ATG2B: variants seen among roughly 807,000 people sequenced by gnomAD.
The protein encoded by ATG2B is autophagy-related protein 2 homolog B.
In ATG2B, 121 loss-of-function variants were observed where a neutral mutation model predicts 241.3. The observed-to-expected ratio is 0.50, with a 90% CI of 0.43 to 0.58. The LOEUF (loss-of-function observed/expected upper bound fraction) is 0.58, where lower values mean the gene tolerates loss of function less well. Ranked by LOEUF, ATG2B falls within the 20% of genes least tolerant of loss-of-function variation. The pLI, the probability that ATG2B is intolerant of heterozygous loss-of-function variation, is 0.00. For synonymous variants in ATG2B, 858 were observed against 876.6 expected (o/e 0.98, Z 0.37); for missense variants, 2,306 against 2,491.6 (o/e 0.93, Z 1.59).
In ATG2B at chr14:96,332,301, T is replaced by C; in HGVS notation, c.1468+4A>G. ...CTAACAACAAATGTCTTATTTTTAC[T>C]TACATGTCTTCTGTAAAGGTGTTGG... On this transcript the variant is annotated splice_donor_region_variant and intron_variant, in intron 10 of 41. Coordinates refer to ENST00000359933, the MANE Select transcript of ATG2B (RefSeq NM_018036.7). 1 of 1,604,888 alleles carries C rather than the reference T, an allele frequency of 6.2e-7. No homozygotes were observed. Among genetic ancestry groups the C allele is most frequent in the Non-Finnish European group, 8.5e-7 (1 of 1,172,310 alleles).
At chr14:96,348,764 G>A (rs1888237774) in intron 1 of ATG2B, among the ~76,000 whole-genome samples, 1 of 151,888 alleles carries the variant, frequency 6.6e-6, no homozygotes, top group South Asian at 2.1e-4. Context: ...ATCTAAAAGA[G>A]CACAACTGAA....
intron 14 of ATG2B, among the ~76,000 whole-genome samples, 166 bp from the exon 15 acceptor site, chr14:96,326,088 T>A (rs1233028839): frequency 1.3e-5 from 2 of 152,130 alleles, no homozygotes; most frequent in African/African-American, 2.4e-5. Flanking sequence ...TGTAAAAAAA[T>A]TTTATAATGC....
In ATG2B at chr14:96,322,731, C is replaced by T; in HGVS notation, c.2545G>A (p.Val849Ile). The T allele has an allele frequency of 6.2e-7, 1 of 1,610,356 alleles. No individual in the cohort carries two copies. The highest frequency in any genetic ancestry group is 8.5e-7 in the Non-Finnish European group (1 of 1,178,760). Residue 849 changes from valine (V) to isoleucine (I), a missense_variant, in exon 17 of 42, where the codon GTA (valine) becomes ATA (isoleucine). By Grantham distance (29) the Val-to-Ile change is conservative (BLOSUM62 3). Transcript: ENST00000359933. ...SSDDFDWPRI[V>I]LKINPPAMHS... Reference sequence around the variant, plus strand: ...ATGGCTGGTGGATTTATTTTCAGTACAATTCTGATAGCAAAGACAATTTTA... The same window carrying T: ...ATGGCTGGTGGATTTATTTTCAGTATAATTCTGATAGCAAAGACAATTTTA...
Position 96,341,522 on chromosome 14 carries a change from C to A in ATG2B, c.924G>T (p.Lys308Asn). The A allele has an allele frequency of 1.3e-6, 2 of 1,571,046 alleles. No individual in the cohort carries two copies. The highest frequency in any genetic ancestry group is 1.7e-6 in the Non-Finnish European group (2 of 1,158,628). Residue 308 changes from lysine to asparagine, a missense_variant and splice_region_variant, in exon 6 of 42, where the codon AAG becomes AAT. Around this residue, in one of 2 missense-constraint regions of ATG2B, gnomAD observed 1,927 missense variants for 2,011.2 expected, o/e 0.96. Transcript: ENST00000359933. Reference sequence around the variant, plus strand: ...TACAGAAAGTGAAACAAACACTGACCTTAGCTCCAGGAAGCACTTCATTCT... The same window carrying A: ...TACAGAAAGTGAAACAAACACTGACATTAGCTCCAGGAAGCACTTCATTCT... ...LKQNEVLPGAKLDVDGQIDSI... is the reference protein window; with the variant it reads ...LKQNEVLPGANLDVDGQIDSI...
At position 96,290,132 on chromosome 14, in the gene ATG2B, C is replaced by T. The variant is rs999160366; in HGVS notation, c.5856+304G>A. 31 of 1,243,806 alleles carry T rather than the reference C, an allele frequency of 2.5e-5. No homozygotes were observed. Among genetic ancestry groups the T allele is most frequent in the African/African-American group, 1.1e-4 (7 of 65,634 alleles). 77.0% of individuals were successfully genotyped at this position (1,243,806 alleles called of 1,614,324 possible). On this transcript the variant is annotated intron_variant, in intron 40 of 41. Transcript: ENST00000359933. The surrounding 1 kb of genome is among the most constrained non-coding windows in gnomAD (Gnocchi z 4.4). The stretch of plus-strand genomic sequence containing the variant: ...TTTAATACTTCTGTTTAATCTACAA[C>T]GCCTTCTTCAAATTTAGCTACGATC...
At position 96,286,037 on chromosome 14, in the gene ATG2B, C is replaced by G. The variant is rs755646098; in HGVS notation, c.6007-52G>C. 2.7e-6 allele frequency: 4 copies of G among 1,455,600 alleles called. No homozygotes were observed. In the South Asian group the frequency reaches 3.6e-5, roughly 13 times the overall value. 90.2% of individuals were successfully genotyped at this position (1,455,600 alleles called of 1,614,324 possible). A position where few individuals can be genotyped will look rare whatever the true frequency, so the allele number is the denominator to read the frequency against. ...AGGAGGGCAGTGAACAAACTCTGGT[C>G]GGAAAACTCTCTAAGCTATCCTGCA... On this transcript the variant is annotated intron_variant, in intron 41 of 41. Transcript: ENST00000359933.
intron 41 of ATG2B, among the ~76,000 whole-genome samples, chr14:96,287,022 G>A (rs1334625427): frequency 3.3e-5 from 5 of 152,166 alleles, no homozygotes; most frequent in Non-Finnish European, 4.4e-5. Flanking sequence ...TTAGGAGGCC[G>A]AGGCAGGCGG....
At chr14:96,311,421 C>A (rs1316160055) in intron 27 of ATG2B, 121 bp downstream of exon 27, 5 of 1,162,208 alleles carry the variant, frequency 4.3e-6, no homozygotes, top group African/African-American at 3.2e-5. Context: ...TAAATAAATC[C>A]ATTTTTAATA....
At position 96,328,796 on chromosome 14, in the gene ATG2B, T is replaced by C. The variant is rs1270534094; in HGVS notation, c.1882-30A>G. On this transcript the variant is annotated intron_variant, in intron 12 of 41. Coordinates refer to ENST00000359933, the MANE Select transcript of ATG2B (RefSeq NM_018036.7). ...AAAGTAAAGATGAAGATAAATTAAATGTATTAATCACAAGAATTTACAGAG... is the reference window on the plus strand; with the variant it reads ...AAAGTAAAGATGAAGATAAATTAAACGTATTAATCACAAGAATTTACAGAG... The C allele has an allele frequency of 5.3e-6, 8 of 1,507,686 alleles. No homozygotes were observed. The South Asian group carries it at 6.0e-5, about 11-fold the overall frequency. The allele number at this position is 1,507,686 out of a possible 1,614,324, so 93.4% of individuals were successfully genotyped here. A position where few individuals can be genotyped will look rare whatever the true frequency, so the allele number is the denominator to read the frequency against.
At position 96,345,270 on chromosome 14, in the gene ATG2B, A is replaced by G. The variant is rs778078552; in HGVS notation, c.441T>C (p.Phe147=). ...TDEQGEGSQP[F]EGLEKFAETI... is the part of the protein sequence containing the mutation. ...TTTCAGCAAACTTTTCAAGTCCTTC[A>G]AAAGGCTGGGATCCTTCTCCTTGTT... is the stretch of plus-strand genomic sequence containing the variant. Residue 147 remains phenylalanine, a synonymous_variant, in exon 3 of 42, where the codon TTT becomes TTC. Transcript: ENST00000359933. 6.2e-7 allele frequency: 1 copy of G among 1,612,952 alleles called. No individual in the cohort carries two copies. The highest frequency in any genetic ancestry group is 8.5e-7 in the Non-Finnish European group (1 of 1,179,506).
intron 2 of ATG2B, among the ~76,000 whole-genome samples, chr14:96,346,468 G>A (rs969568888): frequency 2.0e-5 from 3 of 152,080 alleles, no homozygotes; most frequent in Non-Finnish European, 2.9e-5. Context: ...TACTAAAGAC[G>A]ATTTCCATGC....
rs762466867 is a variant in ATG2B, at chr14:96,332,543, T to A, written c.1320A>T (p.Thr440=). 6.2e-7 allele frequency: 1 copy of A among 1,611,306 alleles called. No individual in the cohort carries two copies. The highest frequency in any genetic ancestry group is 1.1e-5 in the South Asian group (1 of 90,538). The change falls in exon 9 of 42, where the codon ACA becomes ACT. Residue 440 remains threonine (T), a synonymous_variant. Coordinates refer to ENST00000359933, the MANE Select transcript of ATG2B (RefSeq NM_018036.7). ...GAGATCCTGCTGGGGTATTTGTATA[T>A]GTACTAGTTAATGATAACTCAAGGT... is the stretch of plus-strand genomic sequence containing the variant. ...NMDLELSLTS[T]YTNTPAGSPL...
chr14:96,329,428 T>C, intron 12 of ATG2B, 56 bp downstream of exon 12: 1 of 1,322,616 alleles, frequency 7.6e-7, no homozygotes, highest in Non-Finnish European at 1.0e-6. Flanking sequence ...ATACAATCAT[T>C]AAAAAGCAAG....
chr14:96,354,152 T>C (rs1888410178), intron 1 of ATG2B, among the ~76,000 whole-genome samples: 3 of 152,248 alleles, frequency 2.0e-5, no homozygotes, highest in Non-Finnish European at 4.4e-5. Context: ...ACTTTTAAGT[T>C]CAGGGATACA....
chr14:96,321,421 CACT>C (rs899811663), intron 18 of ATG2B, among the ~76,000 whole-genome samples: 1 of 152,124 alleles, frequency 6.6e-6, no homozygotes, highest in African/African-American at 2.4e-5. Flanking sequence ...AACAGACAAC[CACT>C]AAGTTCTTAC....
At chr14:96,319,892 G>T in intron 18 of ATG2B, among the ~76,000 whole-genome samples, 1 of 152,176 alleles carries the variant, frequency 6.6e-6, no homozygotes, top group South Asian at 2.1e-4. Context: ...CCGGATAAGG[G>T]GCAAAGGATG....
rs893439403 is a variant in ATG2B at position 96,362,643 on chromosome 14, T to C, written c.162+172A>G. Among the ~76,000 whole-genome samples, 2 of 152,208 alleles carry C rather than the reference T, an allele frequency of 1.3e-5. No individual in the cohort carries two copies. The highest frequency in any genetic ancestry group is 2.4e-5 in the African/African-American group (1 of 41,466). On this transcript the variant is annotated intron_variant, in intron 1 of 41. Coordinates refer to ENST00000359933, the MANE Select transcript of ATG2B (RefSeq NM_018036.7). ...GAACACGTGATTTAGGAGAGCAAAC[T>C]TGTTAGAAACAGATTAAACAACACT...
At chr14:96,326,170 G>C (rs1887583890) in intron 14 of ATG2B, among the ~76,000 whole-genome samples, 1 of 152,088 alleles carries the variant, frequency 6.6e-6, no homozygotes, top group African/African-American at 2.4e-5. Context: ...ATTAAAAACT[G>C]AGCCAAAGTG....
In ATG2B at chr14:96,305,710, G is replaced by C. The variant is rs755946246; in HGVS notation, c.4612C>G (p.Pro1538Ala). The C allele has an allele frequency of 5.6e-6, 9 of 1,614,122 alleles. No homozygotes were observed. The South Asian group carries it at 7.7e-5, about 14-fold the overall frequency. Residue 1538 changes from proline to alanine, a missense_variant, in exon 31 of 42, where the codon CCC (proline) becomes GCC (alanine). Around this residue, in one of 2 missense-constraint regions of ATG2B, gnomAD observed 1,927 missense variants for 2,011.2 expected, o/e 0.96. Transcript: ENST00000359933. ...ATCACAGGAATGGGAAAGTGTAAGG[G>C]GGCTTTGCTCGTATCGGTCTTATTA... ...PVNKTDTSKAPLHFPIPVIRY... is the reference protein window; with the variant it reads ...PVNKTDTSKAALHFPIPVIRY...
Sources: gnomAD v4.1 joint callset for allele counts (sites outside exome capture counted in the v4.1 genomes callset) on GRCh38, gnomAD v4.1.1 for gene constraint, gnomAD v4.1.1 regional missense constraint, Gnocchi (gnomAD v3.1) non-coding constraint, MANE v1.5 for transcripts, NCBI Gene and HGNC (gene_info 2026-07-23, HGNC 2026-07-21) for gene names.